The following INTS1 variants were observed in gnomAD, a reference collection of about 807,000 sequenced individuals.
INTS1 encodes the protein integrator complex subunit 1.
A neutral mutation model predicts 241.6 loss-of-function variants in INTS1; 137 were observed. The ratio of observed to expected loss-of-function variants is 0.57; its 90% CI spans 0.49 to 0.65. The LOEUF is 0.65. Among genes scored for constraint, INTS1 ranks in the 30% least tolerant of loss-of-function variants. INTS1 has a pLI of 0.00. For missense variants in INTS1, 3,073 were observed against 3,032.2 expected (o/e 1.01, Z -0.32); for synonymous variants, 1,692 against 1,337.8 (o/e 1.26, Z -5.78).
rs753947824 is a variant in INTS1 at position 1,487,849 on chromosome 7, G to A, written c.2427C>T (p.Phe809=). Residue 809 remains phenylalanine, a synonymous_variant, in exon 19 of 48, where the codon TTC becomes TTT. Transcript: ENST00000404767. ...TGGACGCGGCCGCCAGGTGCCCCTC[G>A]AAGGCCAGGATCTCCTGCTTCTCCC... The part of the protein sequence containing the change: ...AQREKQEILA[F]EGHLAAASTK... 1.9e-5 allele frequency: 31 copies of A among 1,613,388 alleles called. No homozygotes were observed. The highest frequency in any genetic ancestry group is 1.2e-4 in the African/African-American group (9 of 74,924).
chr7:1,485,603 G>A (rs184341196), intron 22 of INTS1, 134 bp from the exon 23 acceptor site: 309 of 889,454 alleles, frequency 3.5e-4, no homozygotes, highest in Non-Finnish European at 4.8e-4. Context: ...GGGAGAGGCC[G>A]CAGGTAAAAG....
At chr7:1,501,303 A>T (rs1034428109) in intron 3 of INTS1, 2 of 152,002 alleles carry the variant, frequency 1.3e-5, no homozygotes, top group African/African-American at 2.4e-5. Flanking sequence ...ATAAATAAAT[A>T]AATAAATAAT....
In INTS1 at chr7:1,487,369, A is replaced by C. The variant is rs1364545479; in HGVS notation, c.2597T>G (p.Leu866Trp). The C allele has an allele frequency of 6.2e-7, 1 of 1,610,262 alleles. No individual in the cohort carries two copies. The highest frequency in any genetic ancestry group is 1.3e-5 in the African/African-American group (1 of 75,030). ...AAAGTCAGGGTTTCGGCTGCGGCAC[A>C]AGAGGTGCCCGAGGCGGAGGGACTG... is the stretch of plus-strand genomic sequence containing the variant. ...LNQSLRLGHL[L>W]CRSRNPDFLL... Residue 866 changes from leucine to tryptophan, a missense_variant, in exon 20 of 48, where the codon TTG (leucine) becomes TGG (tryptophan). Transcript: ENST00000404767.
chr7:1,476,119 CA>C lies in INTS1; in HGVS notation c.5379-49del, dbSNP rs1562487555. On this transcript the variant is annotated intron_variant, in intron 38 of 47. Coordinates refer to ENST00000404767, the MANE Select transcript of INTS1 (RefSeq NM_001080453.3). Reference sequence around the variant, plus strand: ...CACCAGGCGGACGGGGCCCCAGTGACAGGGGTGGGTGGACGGGACCAGGCGT... The same window carrying C: ...CACCAGGCGGACGGGGCCCCAGTGACGGGGTGGGTGGACGGGACCAGGCGT... The C allele has an allele frequency of 2.6e-6, 4 of 1,528,160 alleles. No homozygotes were observed. The African/African-American group carries it at 4.1e-5, about 16-fold the overall frequency. The allele number at this position is 1,528,160 out of a possible 1,614,324, so 94.7% of individuals were successfully genotyped here. A position where few individuals can be genotyped will look rare whatever the true frequency, so the allele number is the denominator to read the frequency against.
intron 16 of INTS1, among the ~76,000 whole-genome samples, chr7:1,492,198 C>T (rs1464413532): frequency 2.6e-5 from 4 of 152,178 alleles, no homozygotes; most frequent in South Asian, 2.1e-4. Flanking sequence ...CAGCACCGTC[C>T]GTCAGCAGGG....
chr7:1,473,976 T>C (rs1350930660), intron 41 of INTS1, among the ~76,000 whole-genome samples, 192 bp downstream of exon 41: 2 of 152,170 alleles, frequency 1.3e-5, no homozygotes, highest in African/African-American at 2.4e-5. Context: ...CTGAAGGACG[T>C]GGGCCCCCCA....
At chr7:1,503,595 G>A (rs1248933898) in intron 2 of INTS1, among the ~76,000 whole-genome samples, 2 of 152,222 alleles carry the variant, frequency 1.3e-5, no homozygotes, top group African/African-American at 2.4e-5. Flanking sequence ...CGCAGACCCC[G>A]TGCTACGCTA....
At position 1,478,360 on chromosome 7, in the gene INTS1, AG is replaced by A. The variant is rs1433723725; in HGVS notation, c.4630+5del. 6.2e-7 allele frequency: 1 copy of A among 1,611,416 alleles called. No homozygotes were observed. The highest frequency in any genetic ancestry group is 2.2e-5 in the East Asian group (1 of 44,852). On this transcript the variant is annotated splice_donor_5th_base_variant and intron_variant, in intron 33 of 47. Transcript: ENST00000404767. ...GTGGCCCAAGAGGATGGTGCCAGGA[AG>A]GTACCTTTGCTGATCAGGTCCGGCT...
intron 2 of INTS1, 63 bp downstream of exon 2, chr7:1,503,840 T>TCCCCAAAGAC (rs11283071): frequency 0.23 from 200,046 of 878,390 alleles, 36,019 homozygotes; most frequent in East Asian, 0.57. Flanking sequence ...GCAGCTGAGA[T>TCCCCAAAGAC]CCCCAAAGAC....
chr7:1,499,466 G>C lies in INTS1; in HGVS notation c.844+7C>G, dbSNP rs769050666. On this transcript the variant is annotated splice_region_variant and intron_variant, in intron 6 of 47. Transcript: ENST00000404767. Reference sequence around the variant, plus strand: ...ACCCGCCCTCTCTGGCTGGCCGTGTGTCTCACCTGCACCCAGGTCGCCCGC... The same window carrying C: ...ACCCGCCCTCTCTGGCTGGCCGTGTCTCTCACCTGCACCCAGGTCGCCCGC... 6.3e-6 allele frequency: 10 copies of C among 1,591,736 alleles called. No individual in the cohort carries two copies. The highest frequency in any genetic ancestry group is 1.7e-4 in the Middle Eastern group (1 of 5,878).
At chr7:1,478,906 G>A (rs757907053) in intron 31 of INTS1, 21 bp from the exon 32 acceptor site, 45 of 1,584,590 alleles carry the variant, frequency 2.8e-5, no homozygotes, top group South Asian at 1.8e-4. Flanking sequence ...AAAGTGGCAC[G>A]TGGCTACCCT....
intron 24 of INTS1, 110 bp downstream of exon 24, chr7:1,484,983 GTCCCC>G: frequency 9.1e-6 from 3 of 328,762 alleles, no homozygotes; most frequent in African/African-American, 4.7e-5. Flanking sequence ...GGCTGGCCCC[GTCCCC>G]TCCCCAGGGC....
At chr7:1,492,692 G>T (rs916263021) in intron 16 of INTS1, among the ~76,000 whole-genome samples, 1 of 152,224 alleles carries the variant, frequency 6.6e-6, no homozygotes, top group South Asian at 2.1e-4. Flanking sequence ...TGGAGACACC[G>T]GGGAAGACAA....
rs376364403 is a variant in INTS1 at position 1,470,723 on chromosome 7, G to A, written c.6458-31C>T. Reference sequence around the variant, plus strand: ...GGGGAAACGGGGCCCTGCACGTCACGCTGGCCACAACATCCTGGCCGCAGT... The same window carrying A: ...GGGGAAACGGGGCCCTGCACGTCACACTGGCCACAACATCCTGGCCGCAGT... On this transcript the variant is annotated intron_variant, in intron 47 of 47. Coordinates refer to ENST00000404767, the MANE Select transcript of INTS1 (RefSeq NM_001080453.3). The A allele has an allele frequency of 6.1e-4, 916 of 1,496,670 alleles. 3 individuals are homozygous for A. The highest frequency in any genetic ancestry group is 4.0e-3 in the East Asian group (162 of 40,574). The allele number at this position is 1,496,670 out of a possible 1,614,324, so 92.7% of individuals were successfully genotyped here.
chr7:1,474,151 GC>G lies in INTS1; in HGVS notation c.5829+16del. On this transcript the variant is annotated intron_variant, in intron 41 of 47. Transcript: ENST00000404767. ...GGAGTGGAAGGGAGCGCGAGGGCGG[GC>G]GGCGGGAGCACACACCAGCAGCAGG... The G allele has an allele frequency of 9.1e-6, 14 of 1,544,982 alleles. No homozygotes were observed. Among genetic ancestry groups the G allele is most frequent in the Non-Finnish European group, 1.1e-5 (13 of 1,148,670 alleles).
intron 37 of INTS1, 51 bp downstream of exon 37, chr7:1,476,519 T>TCCCGGATGGGCCACCCCCTCC: frequency 6.2e-7 from 1 of 1,609,392 alleles, no homozygotes; most frequent in Admixed American, 1.7e-5. Flanking sequence ...CCACCCCCTC[T>TCCCGGATGGGCCACCCCCTCC]CCCGGATGGG....
intron 3 of INTS1, among the ~76,000 whole-genome samples, chr7:1,501,570 C>T (rs1426168255): frequency 2.0e-5 from 3 of 152,180 alleles, no homozygotes; most frequent in Non-Finnish European, 4.4e-5. Context: ...CACGTCTCCT[C>T]TCATCTTCAA....
chr7:1,493,181 C>CGAGCAGGGCCGGT lies in INTS1; in HGVS notation c.2069-76_2069-75insACCGGCCCTGCTC. 2 of 1,077,394 alleles carry CGAGCAGGGCCGGT rather than the reference C, an allele frequency of 1.9e-6. No individual in the cohort carries two copies. Among genetic ancestry groups the CGAGCAGGGCCGGT allele is most frequent in the Non-Finnish European group, 2.7e-6 (2 of 739,472 alleles). 66.7% of individuals were successfully genotyped at this position (1,077,394 alleles called of 1,614,324 possible). ...GGCACAGGCAGCGAGGGAACCGGCC[C>CGAGCAGGGCCGGT]TGCTCGGGCCGCGTCGGGGTGGGGT... On this transcript the variant is annotated intron_variant, in intron 15 of 47. Transcript: ENST00000404767. This position sits in a 1 kb window ranked among gnomAD's most constrained non-coding sequence, Gnocchi z 5.3.
chr7:1,492,361 T>C (rs1042063116), intron 16 of INTS1, among the ~76,000 whole-genome samples: 21 of 152,036 alleles, frequency 1.4e-4, no homozygotes, highest in Non-Finnish European at 4.4e-5. Flanking sequence ...CACTGTAGGA[T>C]GCCATTTACA....
Sources: gnomAD v4.1 joint callset for allele counts (sites outside exome capture counted in the v4.1 genomes callset) on GRCh38, gnomAD v4.1.1 for gene constraint, Gnocchi (gnomAD v3.1) non-coding constraint, MANE v1.5 for transcripts, NCBI Gene and HGNC (gene_info 2026-07-23, HGNC 2026-07-21) for gene names.